Variants in SEMA3D observed in about 807,000 individuals in gnomAD.
The protein encoded by SEMA3D is semaphorin-3D.
Under a neutral mutation model 100.1 loss-of-function variants are expected in SEMA3D, and 84 were observed. The observed-to-expected ratio is 0.84, with a 90% CI of 0.70 to 1.01. SEMA3D has a LOEUF of 1.01. SEMA3D is among the 50% of genes least tolerant of loss of function. The probability of loss-of-function intolerance (pLI) is 0.00; values close to 1 mark genes in which losing one functional copy is unlikely to be tolerated. For synonymous variants in SEMA3D, 312 were observed against 320.7 expected (o/e 0.97, Z 0.29); for missense variants, 875 against 934.1 (o/e 0.94, Z 0.82).
intron 3 of SEMA3D, among the ~76,000 whole-genome samples, chr7:85,108,963 G>T (rs930052062): frequency 2.0e-5 from 3 of 151,070 alleles, no homozygotes; most frequent in Non-Finnish European, 4.4e-5. Context: ...GTCAAGATGA[G>T]GACGCATTGT....
At position 85,037,519 on chromosome 7, in the gene SEMA3D, G is replaced by A. The variant is rs183119069; in HGVS notation, c.1047-486C>T. On this transcript the variant is annotated intron_variant, in intron 11 of 18. Transcript: ENST00000284136. Reference sequence around the variant, plus strand: ...ATTAAAAAGAATTATTTAAATATTTGAATAATAATCCTCTCGTTTGTTTTC... The same window carrying A: ...ATTAAAAAGAATTATTTAAATATTTAAATAATAATCCTCTCGTTTGTTTTC... Among the ~76,000 whole-genome samples, 860 of 152,158 alleles carry A rather than the reference G, an allele frequency of 5.7e-3. 5 individuals are homozygous for A. The highest frequency in any genetic ancestry group is 0.017 in the Middle Eastern group (5 of 294).
At chr7:85,156,038 T>A (rs1274166500) in intron 1 of SEMA3D, among the ~76,000 whole-genome samples, 1 of 152,156 alleles carries the variant, frequency 6.6e-6, no homozygotes, top group African/African-American at 2.4e-5. Context: ...ATATACATAT[T>A]AGCTTAGAAA....
chr7:85,084,587 T>C (rs1334949394), intron 4 of SEMA3D, among the ~76,000 whole-genome samples: 1 of 151,972 alleles, frequency 6.6e-6, no homozygotes, highest in African/African-American at 2.4e-5. Context: ...TTTTCAATAA[T>C]ATTTTCTTTT....
chr7:85,107,862 A>G (rs1372987182), intron 3 of SEMA3D, among the ~76,000 whole-genome samples: 1 of 151,898 alleles, frequency 6.6e-6, no homozygotes, highest in Non-Finnish European at 1.5e-5. Flanking sequence ...TGCCCGCCAT[A>G]TTACTACTTC....
intron 12 of SEMA3D, among the ~76,000 whole-genome samples, chr7:85,027,104 G>A (rs546096015): frequency 2.0e-5 from 3 of 152,056 alleles, no homozygotes; most frequent in Non-Finnish European, 4.4e-5. Context: ...CTCAGGCATG[G>A]CAGTGATGCC....
At chr7:85,006,446 A>G (rs972892151) in intron 18 of SEMA3D, among the ~76,000 whole-genome samples, 2 of 152,034 alleles carry the variant, frequency 1.3e-5, no homozygotes, top group African/African-American at 4.8e-5. Flanking sequence ...ATTAAACACA[A>G]TGTGAACTAA....
intron 9 of SEMA3D, among the ~76,000 whole-genome samples, chr7:85,049,416 G>A (rs117646159): frequency 0.011 from 1,609 of 151,564 alleles, 11 homozygotes; most frequent in Non-Finnish European, 0.016. Context: ...ACACTATCCT[G>A]AACAACTCAG....
At chr7:85,097,530 C>T (rs1788597969) in intron 4 of SEMA3D, among the ~76,000 whole-genome samples, 1 of 151,624 alleles carries the variant, frequency 6.6e-6, no homozygotes, top group African/African-American at 2.4e-5. Flanking sequence ...ATTATATGGC[C>T]TAGTGTATAT....
At chr7:85,249,342 C>A in the SEMA3D span, among the ~76,000 whole-genome samples, 1 of 151,970 alleles carries the variant, frequency 6.6e-6, no homozygotes, top group African/African-American at 2.4e-5. Flanking sequence ...GAAAGAAGAG[C>A]CGAAGGATAC....
intron 3 of SEMA3D, among the ~76,000 whole-genome samples, chr7:85,100,671 C>T (rs1428375694): frequency 2.0e-5 from 3 of 151,724 alleles, no homozygotes; most frequent in Non-Finnish European, 2.9e-5. Context: ...ATTTGAGTCC[C>T]TTAAATATAA....
At chr7:85,236,648 T>G in the SEMA3D span, among the ~76,000 whole-genome samples, 1 of 152,214 alleles carries the variant, frequency 6.6e-6, no homozygotes, top group Admixed American at 6.5e-5. Context: ...TTTTATAAAA[T>G]TATTGGTATA....
chr7:85,099,426 A>G (rs948495967), intron 3 of SEMA3D, among the ~76,000 whole-genome samples: 14 of 151,958 alleles, frequency 9.2e-5, no homozygotes, highest in Admixed American at 3.9e-4. Flanking sequence ...GGCCTCAGCC[A>G]TGTGGAACTG....
At chr7:85,143,723 G>GT (rs1431031322) in intron 2 of SEMA3D, among the ~76,000 whole-genome samples, 1 of 124,808 alleles carries the variant, frequency 8.0e-6, no homozygotes, top group African/African-American at 3.2e-5. Context: ...TATGAGACAT[G>GT]TAATTTTTTT....
chr7:85,136,220 A>T (rs1789864632), intron 2 of SEMA3D, among the ~76,000 whole-genome samples: 1 of 152,162 alleles, frequency 6.6e-6, no homozygotes, highest in African/African-American at 2.4e-5. Context: ...ACAATGAGAA[A>T]AAGATATCTT....
intron 4 of SEMA3D, among the ~76,000 whole-genome samples, chr7:85,089,700 C>T (rs958699832): frequency 6.6e-6 from 1 of 152,032 alleles, no homozygotes; most frequent in Admixed American, 6.6e-5. Context: ...GACTGGGCAA[C>T]ATGGCAACAC....
chr7:85,174,904 T>G, intron 1 of SEMA3D, among the ~76,000 whole-genome samples: 1 of 152,082 alleles, frequency 6.6e-6, no homozygotes, highest in East Asian at 1.9e-4. Flanking sequence ...CTAATGCTGG[T>G]TTGCTCTGCT....
chr7:85,172,981 T>C lies in SEMA3D; in HGVS notation c.-173+13697A>G, dbSNP rs538499846. 1.9e-4 allele frequency among the ~76,000 whole-genome samples: 29 copies of C among 152,138 alleles called. 1 individual carries two copies. The South Asian group carries it at 5.2e-3, about 27-fold the overall frequency. On this transcript the variant is annotated intron_variant, in intron 1 of 18. Coordinates refer to ENST00000284136, the MANE Select transcript of SEMA3D (RefSeq NM_001384900.1). ...AAAGATCCCAAGAGCAATACCTTTT[T>C]AGAAAAGGCATAAGGAACAAGGCAC...
intron 12 of SEMA3D, among the ~76,000 whole-genome samples, chr7:85,034,091 TGTACCTGTCG>T (rs2115934452): frequency 6.6e-6 from 1 of 152,230 alleles, no homozygotes; most frequent in African/African-American, 2.4e-5. Flanking sequence ...GGCAAGTTAC[TGTACCTGTCG>T]GTGCCTGACA....
intron 4 of SEMA3D, 65 bp downstream of exon 4, chr7:85,097,738 CAA>C: frequency 9.4e-7 from 1 of 1,067,570 alleles, no homozygotes; most frequent in Non-Finnish European, 1.4e-6. Context: ...CAAAGCAAAA[CAA>C]AACGGGAGAA....
Sources: allele counts gnomAD v4.1 joint callset (sites outside exome capture counted in the v4.1 genomes callset), GRCh38; gene constraint gnomAD v4.1.1; transcripts MANE v1.5; gene names NCBI Gene and HGNC (gene_info 2026-07-23, HGNC 2026-07-21).